The following XYLT1 variants were observed in gnomAD, a reference collection of about 807,000 sequenced individuals.
XYLT1 encodes xylosyltransferase 1, also known as beta-D-xylosyltransferase 1.
A neutral mutation model predicts 91.3 loss-of-function variants in XYLT1; 36 were observed. The ratio of observed to expected loss-of-function variants is 0.39; its 90% CI spans 0.30 to 0.52. The LOEUF is 0.52. Among genes scored for constraint, XYLT1 ranks in the 20% least tolerant of loss-of-function variants. The probability of loss-of-function intolerance (pLI) is 0.68; values close to 1 mark genes in which losing one functional copy is unlikely to be tolerated. For missense variants in XYLT1, 1,242 were observed against 1,284.5 expected (o/e 0.97, Z 0.51); for synonymous variants, 588 against 532.0 (o/e 1.11, Z -1.45).
intron 3 of XYLT1, among the ~76,000 whole-genome samples, chr16:17,229,286 C>T (rs924789691): frequency 7.9e-5 from 12 of 152,298 alleles, no homozygotes; most frequent in African/African-American, 2.6e-4. Flanking sequence ...AGTCCTGGCC[C>T]GCATGTCCAT....
intron 2 of XYLT1, among the ~76,000 whole-genome samples, chr16:17,348,603 TAA>T (rs1303608053): frequency 6.6e-6 from 1 of 152,160 alleles, no homozygotes; most frequent in Non-Finnish European, 1.5e-5. Context: ...GTCACGCATA[TAA>T]AGTGTTGAGC....
intron 2 of XYLT1, among the ~76,000 whole-genome samples, chr16:17,289,746 T>C (rs1419139362): frequency 2.0e-5 from 3 of 151,920 alleles, no homozygotes; most frequent in Admixed American, 2.0e-4. Flanking sequence ...CAAAAAAAAG[T>C]TTGCAAAAAA....
intron 3 of XYLT1, among the ~76,000 whole-genome samples, chr16:17,235,754 A>C (rs540164055): frequency 6.6e-6 from 1 of 152,314 alleles, no homozygotes; most frequent in African/African-American, 2.4e-5. Flanking sequence ...ACGTGTTGGT[A>C]AATTTGCACC....
chr16:17,455,239 G>A (rs535894605), intron 1 of XYLT1, among the ~76,000 whole-genome samples: 8 of 152,248 alleles, frequency 5.3e-5, no homozygotes, highest in Admixed American at 1.3e-4. Context: ...TTAGTTGGGC[G>A]TGATCCCTTT....
chr16:17,338,349 G>A (rs1306977752), intron 2 of XYLT1: 1 of 456,432 alleles, frequency 2.2e-6, no homozygotes, highest in Admixed American at 2.3e-5. Context: ...TACAGTACCT[G>A]GGCCTGTGCC....
chr16:17,255,464 G>T (rs2141753809), intron 3 of XYLT1, among the ~76,000 whole-genome samples: 1 of 152,244 alleles, frequency 6.6e-6, no homozygotes, highest in Non-Finnish European at 1.5e-5. Context: ...GAACAAATGT[G>T]CTGTCTCTGA....
intron 1 of XYLT1, among the ~76,000 whole-genome samples, chr16:17,389,339 G>A (rs182165873): frequency 8.5e-5 from 13 of 152,288 alleles, no homozygotes; most frequent in Admixed American, 7.8e-4. Context: ...TCAACCTCCC[G>A]GGCTCAAGTG....
intron 2 of XYLT1, among the ~76,000 whole-genome samples, chr16:17,298,845 G>A (rs1256777477): frequency 6.6e-6 from 1 of 152,126 alleles, no homozygotes; most frequent in Non-Finnish European, 1.5e-5. Context: ...CAACTTGTCA[G>A]AGGACACGCC....
intron 3 of XYLT1, among the ~76,000 whole-genome samples, chr16:17,239,738 T>A (rs1270517848): frequency 1.3e-5 from 2 of 151,572 alleles, no homozygotes; most frequent in Non-Finnish European, 2.9e-5. Context: ...TGTCCTTCCA[T>A]CCATCCACCC....
At chr16:17,404,187 C>A (rs539428276) in intron 1 of XYLT1, among the ~76,000 whole-genome samples, 1 of 152,164 alleles carries the variant, frequency 6.6e-6, no homozygotes, top group Admixed American at 6.5e-5. Flanking sequence ...ACTCCTCCCC[C>A]ATCCAGGTGG....
At chr16:17,295,558 G>A (rs950640078) in intron 2 of XYLT1, among the ~76,000 whole-genome samples, 10 of 152,118 alleles carry the variant, frequency 6.6e-5, no homozygotes, top group Non-Finnish European at 1.5e-4. Context: ...GTTTCACCAG[G>A]TTGGCCGGGC....
intron 1 of XYLT1, among the ~76,000 whole-genome samples, chr16:17,442,299 C>A (rs555227953): frequency 6.6e-6 from 1 of 152,246 alleles, no homozygotes; most frequent in African/African-American, 2.4e-5. Flanking sequence ...CTCTGGAGAA[C>A]CCTGACTAAA....
At chr16:17,338,560 C>T (rs1356282275) in intron 2 of XYLT1, 1 of 454,540 alleles carries the variant, frequency 2.2e-6, no homozygotes, top group Non-Finnish European at 4.4e-6. Context: ...ATTTTCATCT[C>T]TGTTCTCTGT....
At chr16:17,190,079 C>T (rs2032275189) in intron 5 of XYLT1, among the ~76,000 whole-genome samples, 1 of 152,124 alleles carries the variant, frequency 6.6e-6, no homozygotes, top group African/African-American at 2.4e-5. Context: ...CAAGAATAGG[C>T]AAATCAAGTC....
At chr16:17,216,064 C>T (rs7186330) in intron 3 of XYLT1, among the ~76,000 whole-genome samples, 4,572 of 152,210 alleles carry the variant, frequency 0.03, 246 homozygotes, top group African/African-American at 0.1. Flanking sequence ...CTCTGTGCTT[C>T]GTGTGTCCAG....
At chr16:17,371,810 T>C (rs547144234) in intron 1 of XYLT1, among the ~76,000 whole-genome samples, 2 of 152,284 alleles carry the variant, frequency 1.3e-5, no homozygotes, top group African/African-American at 4.8e-5. Context: ...TCCAGCTCTG[T>C]TTATTAAGAG....
At chr16:17,313,021 C>T (rs1403397054) in intron 2 of XYLT1, among the ~76,000 whole-genome samples, 5 of 152,204 alleles carry the variant, frequency 3.3e-5, no homozygotes, top group East Asian at 1.9e-4. Context: ...AGGGCATGTC[C>T]GCCCAGGGCC....
At chr16:17,230,041 A>T in intron 3 of XYLT1, among the ~76,000 whole-genome samples, 1 of 152,216 alleles carries the variant, frequency 6.6e-6, no homozygotes, top group East Asian at 1.9e-4. Flanking sequence ...CGCCAGCAGC[A>T]ACTGGAACCT....
rs1966793235 is a variant in XYLT1, at chr16:17,107,472, G to GT, written c.*1222dup. ...GGTAACTCAACACTTAAATCATACTGTTTTTTGTTGTTTAAATAACCTTCC... is the reference window on the plus strand; with the variant it reads ...GGTAACTCAACACTTAAATCATACTGTTTTTTTGTTGTTTAAATAACCTTCC... On this transcript the variant is annotated 3_prime_UTR_variant, in exon 12 of 12. Coordinates refer to ENST00000261381, the MANE Select transcript of XYLT1 (RefSeq NM_022166.4). 1 of 152,438 alleles carries GT rather than the reference G, an allele frequency of 6.6e-6. No individual in the cohort carries two copies. Among genetic ancestry groups the GT allele is most frequent in the Admixed American group, 6.6e-5 (1 of 15,256 alleles). 9.4% of individuals were successfully genotyped at this position (152,438 alleles called of 1,614,324 possible).
Sources: gnomAD v4.1 joint callset for allele counts (sites outside exome capture counted in the v4.1 genomes callset) on GRCh38, gnomAD v4.1.1 for gene constraint, MANE v1.5 for transcripts, NCBI Gene and HGNC (gene_info 2026-07-23, HGNC 2026-07-21) for gene names.